The following STIM2 variants were observed in gnomAD, a reference collection of about 807,000 sequenced individuals.
The protein encoded by STIM2 is stromal interaction molecule 2.
In STIM2, 31 loss-of-function variants were observed where a neutral mutation model predicts 85.8. That is an observed-to-expected ratio of 0.36 (90% CI 0.27 to 0.49). The LOEUF (loss-of-function observed/expected upper bound fraction) is 0.49, where lower values mean the gene tolerates loss of function less well. Ranked by LOEUF, STIM2 falls within the 20% of genes least tolerant of loss-of-function variation. STIM2 has a pLI of 0.98. For synonymous variants in STIM2, 356 were observed against 331.1 expected, an observed-to-expected ratio of 1.08 and a Z score of -0.82; for missense variants, 841 against 927.6, an observed-to-expected ratio of 0.91 and a Z score of 1.21.
chr4:27,005,545 G>T (rs1440065890), intron 7 of STIM2, among the ~76,000 whole-genome samples: 4 of 152,158 alleles, frequency 2.6e-5, no homozygotes, highest in Admixed American at 2.6e-4. Flanking sequence ...ATTTTAAACA[G>T]TTATTTATTG....
At chr4:26,919,920 T>G (rs1056736102) in intron 2 of STIM2, among the ~76,000 whole-genome samples, 2 of 152,208 alleles carry the variant, frequency 1.3e-5, no homozygotes, top group African/African-American at 4.8e-5. Flanking sequence ...TATCTATTGT[T>G]GCTTTACAAA....
chr4:26,954,804 G>A (rs896588730), intron 2 of STIM2, among the ~76,000 whole-genome samples: 3 of 147,684 alleles, frequency 2.0e-5, no homozygotes, highest in Non-Finnish European at 4.5e-5. Context: ...CACATTCCGT[G>A]ATCAGCATGT....
At chr4:27,013,144 G>A (rs569493619) in intron 10 of STIM2, among the ~76,000 whole-genome samples, 1 of 151,316 alleles carries the variant, frequency 6.6e-6, no homozygotes, top group Non-Finnish European at 1.5e-5. Context: ...ATAAATGAAA[G>A]AGTAGTCCCC....
At chr4:26,989,423 A>T (rs1727687959) in intron 3 of STIM2, among the ~76,000 whole-genome samples, 2 of 152,214 alleles carry the variant, frequency 1.3e-5, no homozygotes, top group African/African-American at 4.8e-5. Context: ...CTTCATGATA[A>T]AAACCTTCAA....
intron 3 of STIM2, among the ~76,000 whole-genome samples, chr4:26,970,596 A>G (rs2109103987): frequency 6.6e-6 from 1 of 152,300 alleles, no homozygotes; most frequent in Admixed American, 6.5e-5. Context: ...ATGGCTACAT[A>G]GTATTCCATG....
At chr4:26,896,984 C>T (rs1030256475) in intron 1 of STIM2, among the ~76,000 whole-genome samples, 1 of 152,194 alleles carries the variant, frequency 6.6e-6, no homozygotes, top group African/African-American at 2.4e-5. Flanking sequence ...TTTCATTCAG[C>T]ATAATACTCT....
At position 26,991,287 on chromosome 4, in the gene STIM2, G is replaced by A. The variant is rs1727756761; in HGVS notation, c.398-4092G>A. 2.6e-5 allele frequency among the ~76,000 whole-genome samples: 4 copies of A among 152,064 alleles called. No homozygotes were observed. The South Asian group carries it at 8.3e-4, about 31-fold the overall frequency. On this transcript the variant is annotated intron_variant, in intron 3 of 11. Coordinates refer to ENST00000467087, the MANE Select transcript of STIM2 (RefSeq NM_020860.4). ...AAAATCCCGTTATTTACAGCAAAAT[G>A]GAACTGAAGATCATTATGTTAAGTG...
chr4:26,958,515 T>C (rs1726331399), intron 3 of STIM2, among the ~76,000 whole-genome samples: 1 of 152,182 alleles, frequency 6.6e-6, no homozygotes, highest in Non-Finnish European at 1.5e-5. Flanking sequence ...GTCATTATGA[T>C]AACATTTAGA....
chr4:26,950,724 C>T (rs1726018373), intron 2 of STIM2, among the ~76,000 whole-genome samples: 1 of 152,132 alleles, frequency 6.6e-6, no homozygotes, highest in African/African-American at 2.4e-5. Context: ...TATAGCAGCA[C>T]AAAATGGACT....
chr4:26,893,608 ATTTC>A (rs1419187768), intron 1 of STIM2, among the ~76,000 whole-genome samples: 1 of 152,042 alleles, frequency 6.6e-6, no homozygotes, highest in Non-Finnish European at 1.5e-5. Context: ...TTCTGTGACT[ATTTC>A]TTTATTGCAC....
chr4:27,007,837 G>A lies in STIM2; in HGVS notation c.1149+137G>A, dbSNP rs1011739072. On this transcript the variant is annotated intron_variant, in intron 8 of 11. Coordinates refer to ENST00000467087, the MANE Select transcript of STIM2 (RefSeq NM_020860.4). Reference sequence around the variant, plus strand: ...CTTTTTTCAAACTGGAACTTATTGTGTAAATAGACTCTAGTAATCATAAGC... The same window carrying A: ...CTTTTTTCAAACTGGAACTTATTGTATAAATAGACTCTAGTAATCATAAGC... 14 of 899,846 alleles carry A rather than the reference G, an allele frequency of 1.6e-5. No homozygotes were observed. The Middle Eastern group carries it at 1.1e-3, about 69-fold the overall frequency. 55.7% of individuals were successfully genotyped at this position (899,846 alleles called of 1,614,324 possible). A position where few individuals can be genotyped will look rare whatever the true frequency, so the allele number is the denominator to read the frequency against.
chr4:27,011,585 G>A (rs1728559070), intron 10 of STIM2, among the ~76,000 whole-genome samples: 1 of 152,114 alleles, frequency 6.6e-6, no homozygotes, highest in South Asian at 2.1e-4. Context: ...TTTTATAAGG[G>A]TGCCTGTGTG....
At chr4:26,936,080 A>C (rs1725381260) in intron 2 of STIM2, among the ~76,000 whole-genome samples, 1 of 152,176 alleles carries the variant, frequency 6.6e-6, no homozygotes, top group Non-Finnish European at 1.5e-5. Context: ...TTTGGTTTTT[A>C]AAGTAAGATG....
chr4:26,896,254 C>G (rs1243474285), intron 1 of STIM2, among the ~76,000 whole-genome samples: 2 of 152,232 alleles, frequency 1.3e-5, no homozygotes, highest in African/African-American at 4.8e-5. Context: ...CTTTTAAGAG[C>G]TCATTAGATA....
chr4:26,992,462 C>T (rs929178034), intron 3 of STIM2, among the ~76,000 whole-genome samples: 9 of 151,964 alleles, frequency 5.9e-5, no homozygotes, highest in Admixed American at 3.9e-4. Context: ...TACCTGTAAT[C>T]TCAGCACTTT....
chr4:26,996,657 T>A (rs1180048914), intron 4 of STIM2, among the ~76,000 whole-genome samples: 1 of 152,154 alleles, frequency 6.6e-6, no homozygotes, highest in Non-Finnish European at 1.5e-5. Flanking sequence ...ATATCTTTTA[T>A]GTTCATGGTA....
chr4:27,002,902 A>T (rs778511135), intron 6 of STIM2, 25 bp from the exon 7 acceptor site: 3 of 1,478,970 alleles, frequency 2.0e-6, no homozygotes, highest in Non-Finnish European at 1.8e-6. Flanking sequence ...TTTGTGAGGA[A>T]TTTTTATTTT....
chr4:26,896,804 C>A (rs1723727075), intron 1 of STIM2, among the ~76,000 whole-genome samples: 1 of 152,202 alleles, frequency 6.6e-6, no homozygotes, highest in Admixed American at 6.5e-5. Flanking sequence ...ATATAACCAT[C>A]ACATTTCAAG....
At chr4:26,988,977 C>T (rs978918037) in intron 3 of STIM2, among the ~76,000 whole-genome samples, 1 of 152,156 alleles carries the variant, frequency 6.6e-6, no homozygotes, top group African/African-American at 2.4e-5. Flanking sequence ...CTCTGTCTCC[C>T]AGGCTGGGGT....
Sources: gnomAD v4.1 joint callset for allele counts (sites outside exome capture counted in the v4.1 genomes callset) on GRCh38, gnomAD v4.1.1 for gene constraint, MANE v1.5 for transcripts, NCBI Gene and HGNC (gene_info 2026-07-23, HGNC 2026-07-21) for gene names.